ZFHX3: variants seen among roughly 807,000 people sequenced by gnomAD.
ZFHX3 encodes the protein zinc finger homeobox protein 3.
In ZFHX3, 42 loss-of-function variants were observed where a neutral mutation model predicts 279.1. That is an observed-to-expected ratio of 0.15 (90% confidence interval 0.12 to 0.19). ZFHX3 has a LOEUF of 0.19. ZFHX3 is among the 10% of genes least tolerant of loss of function. The pLI, the probability that ZFHX3 is intolerant of heterozygous loss-of-function variation, is 1.00. For missense variants in ZFHX3, 4,981 were observed against 4,754.0 expected (o/e 1.05, Z -1.40); for synonymous variants, 2,293 against 1,957.8 (o/e 1.17, Z -4.52).
chr16:73,426,814 C>G (rs2017818729), intron 3 of ZFHX3, among the ~76,000 whole-genome samples: 1 of 152,172 alleles, frequency 6.6e-6, no homozygotes, highest in Non-Finnish European at 1.5e-5. Context: ...TTTTTGCATC[C>G]TCAGAAAGTG....
At chr16:73,358,417 G>T (rs1567459936) in intron 3 of ZFHX3, among the ~76,000 whole-genome samples, 1 of 152,310 alleles carries the variant, frequency 6.6e-6, no homozygotes, top group East Asian at 1.9e-4. Context: ...GCAGCCTCTG[G>T]CCAAGAACCC....
intron 5 of ZFHX3, among the ~76,000 whole-genome samples, chr16:73,160,228 A>C (rs1342871089): frequency 6.6e-6 from 1 of 152,354 alleles, no homozygotes; most frequent in African/African-American, 2.4e-5. Context: ...TTCTGGACAC[A>C]TGTACCCTTC....
chr16:73,517,691 C>T (rs530081336), intron 2 of ZFHX3, among the ~76,000 whole-genome samples: 5 of 152,310 alleles, frequency 3.3e-5, no homozygotes, highest in African/African-American at 1.2e-4. Flanking sequence ...TATTTATACA[C>T]CAACTCCTGA....
chr16:73,524,739 T>A (rs1013853871), intron 2 of ZFHX3, among the ~76,000 whole-genome samples: 2 of 152,172 alleles, frequency 1.3e-5, no homozygotes, highest in South Asian at 2.1e-4. Context: ...ATGCGACTCT[T>A]ATTAGGGTTA....
chr16:73,568,109 C>A (rs986664046), intron 2 of ZFHX3, among the ~76,000 whole-genome samples: 4 of 152,174 alleles, frequency 2.6e-5, no homozygotes, highest in East Asian at 3.9e-4. Flanking sequence ...AGTTTGGTTT[C>A]TTTCAGAGGC....
intron 5 of ZFHX3, among the ~76,000 whole-genome samples, chr16:72,815,069 A>G (rs1304871852): frequency 6.6e-6 from 1 of 152,190 alleles, no homozygotes; most frequent in African/African-American, 2.4e-5. Context: ...CTATCAAGAC[A>G]TCGTACCAAA....
At chr16:73,843,600 T>A (rs7205200) in intron 1 of ZFHX3, among the ~76,000 whole-genome samples, 5 of 152,188 alleles carry the variant, frequency 3.3e-5, no homozygotes, top group African/African-American at 1.2e-4. Flanking sequence ...ATAGGAAATA[T>A]TGAAAACCCA....
At chr16:73,497,162 G>C (rs1374071720) in intron 2 of ZFHX3, among the ~76,000 whole-genome samples, 1 of 152,168 alleles carries the variant, frequency 6.6e-6, no homozygotes, top group East Asian at 1.9e-4. Flanking sequence ...TCCTGGCCAG[G>C]ACCTGACTAA....
chr16:73,424,618 G>A (rs1024282237), intron 3 of ZFHX3, among the ~76,000 whole-genome samples: 4 of 151,920 alleles, frequency 2.6e-5, no homozygotes, highest in African/African-American at 9.7e-5. Flanking sequence ...GTGAGGCATG[G>A]TGGTCCATGC....
Position 72,787,375 on chromosome 16 carries a change from G to C in ZFHX3, c.10901C>G (p.Pro3634Arg). ...ASAAKPPSFP[P>R]LSSSSTVTSS... ...GGTAACCGTTGAAGATGAGGAGAGA[G>C]GAGGAAAAGAAGGGGGCTTCGCTGC... Residue 3634 changes from proline to arginine, a missense_variant, in exon 10 of 10, where the codon CCT (proline) becomes CGT (arginine). This residue lies in a region of ZFHX3 where 1,034 missense variants were observed against 786.0 expected (regional missense o/e 1.32). Coordinates refer to ENST00000268489, the MANE Select transcript of ZFHX3 (RefSeq NM_006885.4). The C allele has an allele frequency of 6.2e-7, 1 of 1,609,086 alleles. No individual in the cohort carries two copies. Among genetic ancestry groups the C allele is most frequent in the Non-Finnish European group, 8.5e-7 (1 of 1,176,398 alleles).
At chr16:73,586,141 C>T (rs2143832276) in intron 2 of ZFHX3, among the ~76,000 whole-genome samples, 1 of 152,116 alleles carries the variant, frequency 6.6e-6, no homozygotes, top group African/African-American at 2.4e-5. Context: ...ATAATCCCAG[C>T]ACTTTGGGAG....
intron 2 of ZFHX3, among the ~76,000 whole-genome samples, chr16:73,524,613 T>C (rs1290843200): frequency 6.6e-6 from 1 of 152,204 alleles, no homozygotes; most frequent in Non-Finnish European, 1.5e-5. Context: ...ATCTCATTTC[T>C]CTCTAGTGTC....
Position 73,146,770 on chromosome 16 carries a change from C to T in ZFHX3, c.-1103-2939G>A, listed in dbSNP as rs190593842. Among the ~76,000 whole-genome samples, 91 of 152,260 alleles carry T rather than the reference C, an allele frequency of 6.0e-4. No homozygotes were observed. The East Asian group carries it at 0.013, about 21-fold the overall frequency. The stretch of plus-strand genomic sequence containing the variant: ...TCCCAGGCTCAAGCAATCCTCTCAT[C>T]TCAGCCTCCCAAATAGCTGGGACTA... On this transcript the variant is annotated intron_variant, in intron 5 of 17. Coordinates refer to the ZFHX3 transcript ENST00000641206.
intron 5 of ZFHX3, among the ~76,000 whole-genome samples, chr16:73,222,827 A>G (rs1044429671): frequency 6.6e-6 from 1 of 152,184 alleles, no homozygotes; most frequent in Non-Finnish European, 1.5e-5. Flanking sequence ...CTTACCTTAA[A>G]GCCACAGCAA....
At chr16:73,315,951 G>A (rs1464177512) in intron 4 of ZFHX3, among the ~76,000 whole-genome samples, 1 of 152,140 alleles carries the variant, frequency 6.6e-6, no homozygotes, top group Admixed American at 6.5e-5. Context: ...TACACAAGAC[G>A]CATACCCATC....
intron 3 of ZFHX3, among the ~76,000 whole-genome samples, chr16:73,382,009 C>T (rs2016825802): frequency 6.6e-6 from 1 of 152,218 alleles, no homozygotes; most frequent in South Asian, 2.1e-4. Flanking sequence ...GTGGGCATGG[C>T]TGTGTTCCAA....
At chr16:73,203,456 A>G (rs1218195365) in intron 5 of ZFHX3, among the ~76,000 whole-genome samples, 1 of 152,242 alleles carries the variant, frequency 6.6e-6, no homozygotes, top group East Asian at 1.9e-4. Context: ...AATAGAGCGT[A>G]AGCTCTCTGA....
chr16:73,070,206 T>TTTAA (rs1965805362), intron 8 of ZFHX3, among the ~76,000 whole-genome samples: 1 of 152,226 alleles, frequency 6.6e-6, no homozygotes, highest in South Asian at 2.1e-4. Context: ...ATCAAACTCT[T>TTTAA]TTAATGTATT....
chr16:73,161,344 A>T (rs1967230696), intron 5 of ZFHX3, among the ~76,000 whole-genome samples: 1 of 152,140 alleles, frequency 6.6e-6, no homozygotes, highest in Non-Finnish European at 1.5e-5. Context: ...ACCTCGGATC[A>T]TGGAGCTGCT....
Sources: allele counts gnomAD v4.1 joint callset (sites outside exome capture counted in the v4.1 genomes callset), GRCh38; gene constraint gnomAD v4.1.1; regional missense constraint gnomAD v4.1.1; transcripts MANE v1.5; gene names NCBI Gene and HGNC (gene_info 2026-07-23, HGNC 2026-07-21).